The following EIPR1 variants were observed in gnomAD, a reference collection of about 807,000 sequenced individuals.
EIPR1 encodes EARP and GARP complex-interacting protein 1.
In EIPR1, 25 loss-of-function variants were observed where a neutral mutation model predicts 48.1. That is an observed-to-expected ratio of 0.52 (90% CI 0.38 to 0.73). The LOEUF is 0.73. Among genes scored for constraint, EIPR1 ranks in the 30% least tolerant of loss-of-function variants. The pLI, the probability that EIPR1 is intolerant of heterozygous loss-of-function variation, is 0.00. For missense variants in EIPR1, 415 were observed against 506.2 expected, an observed-to-expected ratio of 0.82 and a Z score of 1.73; for synonymous variants, 204 against 201.9, an observed-to-expected ratio of 1.01 and a Z score of -0.09.
chr2:3,334,118 C>G (rs1436290130), intron 3 of EIPR1, among the ~76,000 whole-genome samples: 2 of 152,216 alleles, frequency 1.3e-5, no homozygotes, highest in Non-Finnish European at 2.9e-5. Context: ...AGGAGCTTCT[C>G]TATAAGCACC....
At chr2:3,212,064 A>G (rs984952673) in intron 5 of EIPR1, among the ~76,000 whole-genome samples, 4 of 152,236 alleles carry the variant, frequency 2.6e-5, no homozygotes, top group African/African-American at 4.8e-5. Context: ...ATAAGAAGAC[A>G]TTGAGAAGCT....
intron 1 of EIPR1, 32 bp downstream of exon 1, chr2:3,377,616 G>A (rs1263294934): frequency 1.3e-6 from 2 of 1,560,432 alleles, no homozygotes; most frequent in Admixed American, 1.9e-5. Flanking sequence ...CAGCCAGGCC[G>A]AGCAGCACCT....
intron 4 of EIPR1, among the ~76,000 whole-genome samples, chr2:3,252,452 G>T (rs906611840): frequency 6.6e-6 from 1 of 152,152 alleles, no homozygotes; most frequent in Non-Finnish European, 1.5e-5. Flanking sequence ...TTAGCCAGGC[G>T]TGGTGGTGGG....
Position 3,338,043 on chromosome 2 carries a change from C to A in EIPR1, c.233G>T (p.Gly78Val). The A allele has an allele frequency of 6.2e-7, 1 of 1,609,458 alleles. No individual in the cohort carries two copies. The highest frequency in any genetic ancestry group is 8.5e-7 in the Non-Finnish European group (1 of 1,179,108). ...WHISASPADR[G>V]VLTTCYNRTS... ...TCTGTTGTAGCAGGTCGTCAGCACACCTCTGTCTGCAGGGCTAGCGCTAAT... is the reference window on the plus strand; with the variant it reads ...TCTGTTGTAGCAGGTCGTCAGCACAACTCTGTCTGCAGGGCTAGCGCTAAT... The change falls in exon 3 of 9, where the codon GGT becomes GTT. Residue 78 changes from glycine to valine, a missense_variant. Transcript: ENST00000382125.
At chr2:3,362,381 C>T (rs1004953066) in intron 1 of EIPR1, among the ~76,000 whole-genome samples, 7 of 152,208 alleles carry the variant, frequency 4.6e-5, no homozygotes, top group African/African-American at 1.7e-4. Context: ...CAGCGCTCTC[C>T]ATCCCCACCC....
intron 3 of EIPR1, among the ~76,000 whole-genome samples, chr2:3,258,266 G>A (rs1425377704): frequency 6.6e-6 from 1 of 152,206 alleles, no homozygotes; most frequent in Non-Finnish European, 1.5e-5. Context: ...TGATGCTCTA[G>A]AAAATTTCTC....
intron 4 of EIPR1, among the ~76,000 whole-genome samples, chr2:3,214,848 T>C (rs554079303): frequency 6.6e-6 from 1 of 152,302 alleles, no homozygotes; most frequent in Admixed American, 6.5e-5. Flanking sequence ...TGTCTGTACT[T>C]GAAATGGAGC....
intron 5 of EIPR1, among the ~76,000 whole-genome samples, chr2:3,206,772 T>C (rs1665251826): frequency 6.6e-6 from 1 of 152,038 alleles, no homozygotes; most frequent in African/African-American, 2.4e-5. Context: ...CAAGATAGAC[T>C]ATAAGAAATA....
rs140344162 is a variant in EIPR1, at chr2:3,229,955, A to T, written c.417-15707T>A. Among the ~76,000 whole-genome samples the T allele has an allele frequency of 3.2e-4, 48 of 152,226 alleles. No individual in the cohort carries two copies. In the East Asian group the frequency reaches 8.3e-3, roughly 26 times the overall value. ...CCTTTTTTTCTTATCACTGTTACTC[A>T]CAGGGGTATCTGCTGACCTTTTTGA... On this transcript the variant is annotated intron_variant, in intron 4 of 8. Coordinates refer to ENST00000382125, the MANE Select transcript of EIPR1 (RefSeq NM_003310.5).
At chr2:3,310,425 G>A (rs1250109125) in intron 3 of EIPR1, among the ~76,000 whole-genome samples, 4 of 147,714 alleles carry the variant, frequency 2.7e-5, no homozygotes, top group East Asian at 4.1e-4. Flanking sequence ...AGGCCGAGGT[G>A]GGCGGATCAC....
chr2:3,332,454 C>A (rs1669928911), intron 3 of EIPR1, among the ~76,000 whole-genome samples: 1 of 152,212 alleles, frequency 6.6e-6, no homozygotes, highest in Non-Finnish European at 1.5e-5. Flanking sequence ...CTCAGGGCTC[C>A]AGGTCCAATT....
intron 3 of EIPR1, chr2:3,274,389 A>G (rs1285382645): frequency 1.9e-5 from 29 of 1,550,472 alleles, no homozygotes; most frequent in East Asian, 4.9e-5. Context: ...AAGAGCACCA[A>G]AGGAATCCAG....
At chr2:3,219,338 A>ATTCT (rs1558231391) in intron 4 of EIPR1, among the ~76,000 whole-genome samples, 1 of 36,254 alleles carries the variant, frequency 2.8e-5, no homozygotes, top group African/African-American at 9.3e-5. Flanking sequence ...ACCCTGGTAT[A>ATTCT]ATCTAGAGCA....
At chr2:3,293,111 A>G (rs577442281) in intron 3 of EIPR1, among the ~76,000 whole-genome samples, 1 of 152,208 alleles carries the variant, frequency 6.6e-6, no homozygotes, top group African/African-American at 2.4e-5. Flanking sequence ...TCATTCCATC[A>G]CAGAACAATC....
intron 3 of EIPR1, among the ~76,000 whole-genome samples, chr2:3,280,681 C>T (rs1264850953): frequency 6.6e-6 from 1 of 152,196 alleles, no homozygotes; most frequent in Non-Finnish European, 1.5e-5. Flanking sequence ...GAAGCTCTTT[C>T]CTTCACTCCC....
chr2:3,196,871 G>A lies in EIPR1; in HGVS notation c.653+10C>T. On this transcript the variant is annotated intron_variant, in intron 6 of 8. Coordinates refer to ENST00000382125, the MANE Select transcript of EIPR1 (RefSeq NM_003310.5). ...AGGAAGTGGGGCCTGCGCCGGGTGG[G>A]CTCACTGACCTCATGCTCCGGGTGT... 1 of 1,612,674 alleles carries A rather than the reference G, an allele frequency of 6.2e-7. No homozygotes were observed.
At chr2:3,288,199 A>G (rs1668265373) in intron 3 of EIPR1, among the ~76,000 whole-genome samples, 1 of 152,192 alleles carries the variant, frequency 6.6e-6, no homozygotes, top group African/African-American at 2.4e-5. Context: ...CACCCTTCAG[A>G]TGCTGCTCTG....
chr2:3,355,100 G>A (rs1370393884), intron 1 of EIPR1, among the ~76,000 whole-genome samples: 1 of 152,138 alleles, frequency 6.6e-6, no homozygotes, highest in Non-Finnish European at 1.5e-5. Flanking sequence ...AACTACCAAG[G>A]CAACAAAGAA....
At chr2:3,368,967 C>T (rs553783173) in intron 1 of EIPR1, among the ~76,000 whole-genome samples, 7 of 152,208 alleles carry the variant, frequency 4.6e-5, no homozygotes, top group South Asian at 2.1e-4. Context: ...CAGCGGTCAA[C>T]GATCAGATCT....
Sources: gnomAD v4.1 joint callset for allele counts (sites outside exome capture counted in the v4.1 genomes callset) on GRCh38, gnomAD v4.1.1 for gene constraint, MANE v1.5 for transcripts, NCBI Gene and HGNC (gene_info 2026-07-23, HGNC 2026-07-21) for gene names.